Variants in KIAA1217 observed in about 807,000 individuals in gnomAD.
The protein encoded by KIAA1217 is sickle tail protein homolog.
Under a neutral mutation model 163.9 loss-of-function variants are expected in KIAA1217, and 88 were observed. The ratio of observed to expected loss-of-function variants is 0.54; its 90% CI spans 0.45 to 0.64. The LOEUF (loss-of-function observed/expected upper bound fraction) is 0.64, where lower values mean the gene tolerates loss of function less well. Ranked by LOEUF, KIAA1217 falls within the 30% of genes least tolerant of loss-of-function variation. The pLI is 0.00. For synonymous variants in KIAA1217, 903 were observed against 923.1 expected (o/e 0.98, Z 0.39); for missense variants, 2,372 against 2,475.0 (o/e 0.96, Z 0.88).
At chr10:23,965,862 T>C (rs1033674416) in intron 1 of KIAA1217, among the ~76,000 whole-genome samples, 1 of 152,192 alleles carries the variant, frequency 6.6e-6, no homozygotes, top group Admixed American at 6.5e-5. Context: ...GCCATCCGGT[T>C]ACCTTAACAT....
chr10:24,150,064 G>A (rs10764450), intron 2 of KIAA1217, among the ~76,000 whole-genome samples: 1 of 151,814 alleles, frequency 6.6e-6, no homozygotes, highest in African/African-American at 2.4e-5. Context: ...GTTGCCCAGC[G>A]TAGAGTGCAA....
At chr10:23,925,272 C>T (rs1478816334) in intron 1 of KIAA1217, among the ~76,000 whole-genome samples, 3 of 152,170 alleles carry the variant, frequency 2.0e-5, no homozygotes, top group Non-Finnish European at 4.4e-5. Context: ...TCTTCTCTTT[C>T]AGCATACATA....
chr10:24,462,404 C>T (rs922985757), intron 5 of KIAA1217, among the ~76,000 whole-genome samples: 2 of 152,076 alleles, frequency 1.3e-5, no homozygotes, highest in East Asian at 3.9e-4. Context: ...GGCCAGAAAT[C>T]GAATAAGGAA....
chr10:24,145,980 C>A (rs1010957457), intron 2 of KIAA1217, among the ~76,000 whole-genome samples: 8 of 152,234 alleles, frequency 5.3e-5, no homozygotes, highest in Non-Finnish European at 7.3e-5. Flanking sequence ...TTTGGCAACA[C>A]TCACAGACAC....
chr10:24,399,039 C>T (rs1363350590), intron 3 of KIAA1217, among the ~76,000 whole-genome samples: 2 of 152,184 alleles, frequency 1.3e-5, no homozygotes, highest in Non-Finnish European at 2.9e-5. Context: ...CTCTCCTGCC[C>T]CGCTCATGCC....
intron 1 of KIAA1217, among the ~76,000 whole-genome samples, chr10:23,803,467 A>G (rs1053534513): frequency 6.6e-6 from 1 of 152,224 alleles, no homozygotes; most frequent in East Asian, 1.9e-4. Context: ...CTGAAAGGGC[A>G]TCTCAGCCCC....
At chr10:24,161,278 C>T (rs868213438) in intron 2 of KIAA1217, among the ~76,000 whole-genome samples, 1 of 152,224 alleles carries the variant, frequency 6.6e-6, no homozygotes, top group South Asian at 2.1e-4. Context: ...CTAAGACCAT[C>T]CACATTTCAA....
chr10:23,824,251 G>A (rs1053884524), intron 1 of KIAA1217, among the ~76,000 whole-genome samples: 9 of 152,012 alleles, frequency 5.9e-5, no homozygotes, highest in African/African-American at 1.9e-4. Context: ...TGCAGACTGA[G>A]TGACAGGAGT....
At chr10:23,782,800 T>C (rs886224694) in intron 1 of KIAA1217, among the ~76,000 whole-genome samples, 3 of 152,228 alleles carry the variant, frequency 2.0e-5, no homozygotes, top group African/African-American at 7.2e-5. Flanking sequence ...GTTTTACTTT[T>C]TCCTTCCCAA....
At chr10:23,776,679 C>CTTT (rs34656346) in intron 1 of KIAA1217, among the ~76,000 whole-genome samples, 16 of 117,912 alleles carry the variant, frequency 1.4e-4, no homozygotes, top group African/African-American at 1.6e-4. Flanking sequence ...ACTGTGGGTA[C>CTTT]TTTTTTTTTT....
intron 1 of KIAA1217, among the ~76,000 whole-genome samples, chr10:23,842,307 A>C (rs1452974459): frequency 1.3e-5 from 2 of 152,222 alleles, no homozygotes; most frequent in Non-Finnish European, 2.9e-5. Context: ...CAGTTCAAGA[A>C]GATCACCAGA....
chr10:23,968,507 A>G (rs974597439), intron 1 of KIAA1217, among the ~76,000 whole-genome samples: 1 of 152,140 alleles, frequency 6.6e-6, no homozygotes, highest in African/African-American at 2.4e-5. Context: ...CATACTATTC[A>G]TCCATTTGAA....
chr10:24,124,485 T>C (rs1394285790), intron 2 of KIAA1217, among the ~76,000 whole-genome samples: 1 of 152,154 alleles, frequency 6.6e-6, no homozygotes. Context: ...CAATGTTGAA[T>C]AGAAATGTTG....
chr10:24,511,124 C>T (rs1379063922), intron 9 of KIAA1217, among the ~76,000 whole-genome samples: 2 of 120,950 alleles, frequency 1.7e-5, no homozygotes, highest in Non-Finnish European at 3.2e-5. Flanking sequence ...CTGCACTCCA[C>T]CCTGGGCAAC....
At chr10:23,968,053 C>T (rs899925800) in intron 1 of KIAA1217, among the ~76,000 whole-genome samples, 13 of 151,164 alleles carry the variant, frequency 8.6e-5, no homozygotes, top group African/African-American at 2.9e-4. Context: ...ACTATCAACC[C>T]GAATTTGACT....
chr10:23,849,047 T>C lies in KIAA1217; in HGVS notation c.-321+153813T>C, dbSNP rs146940634. On this transcript the variant is annotated intron_variant, in intron 1 of 18. Coordinates refer to the KIAA1217 transcript ENST00000376462. ...CACAGTCCTAGGACAAAGAAAGTGC[T>C]CAGAGAGTATGTTAGATGAAAGAAT... is the stretch of plus-strand genomic sequence containing the variant. Among the ~76,000 whole-genome samples, 68 of 152,198 alleles carry C rather than the reference T, an allele frequency of 4.5e-4. 4 individuals are homozygous for C. In the East Asian group the frequency reaches 0.013, roughly 29 times the overall value.
chr10:24,113,760 C>G (rs879727589), intron 2 of KIAA1217, among the ~76,000 whole-genome samples: 1 of 152,202 alleles, frequency 6.6e-6, no homozygotes, highest in African/African-American at 2.4e-5. Context: ...GAACTGGAAG[C>G]CCCTGCCATG....
chr10:23,950,116 C>T (rs1844259098), intron 1 of KIAA1217, among the ~76,000 whole-genome samples: 1 of 152,026 alleles, frequency 6.6e-6, no homozygotes, highest in South Asian at 2.1e-4. Flanking sequence ...ATCCCACAAC[C>T]CTGAATGACT....
chr10:23,783,183 T>G (rs2130906853), intron 1 of KIAA1217, among the ~76,000 whole-genome samples: 1 of 150,100 alleles, frequency 6.7e-6, no homozygotes, highest in Non-Finnish European at 1.5e-5. Flanking sequence ...TAAGGATAGC[T>G]GATGAGCTTT....
Sources: gnomAD v4.1 joint callset for allele counts (sites outside exome capture counted in the v4.1 genomes callset) on GRCh38, gnomAD v4.1.1 for gene constraint, MANE v1.5 for transcripts, NCBI Gene and HGNC (gene_info 2026-07-23, HGNC 2026-07-21) for gene names.